The following LINC00305 variants were observed in gnomAD, a reference collection of about 807,000 sequenced individuals.
LINC00305 encodes long independently transcribed non-coding RNA 305.
At chr18:64,144,993 G>A (rs545020059) in intron 1 of LINC00305, among the ~76,000 whole-genome samples, 11 of 152,148 alleles carry the variant, frequency 7.2e-5, no homozygotes, top group Non-Finnish European at 7.4e-5. Context: ...GGCTATAAAC[G>A]CCCTCATCTT....
At chr18:64,124,792 G>T (rs1183434401) in intron 1 of LINC00305, among the ~76,000 whole-genome samples, 1 of 152,062 alleles carries the variant, frequency 6.6e-6, no homozygotes, top group African/African-American at 2.4e-5. Context: ...TGAGGTGGTT[G>T]TCTTATTTTT....
chr18:64,131,004 A>T (rs2051407403), intron 1 of LINC00305, among the ~76,000 whole-genome samples: 1 of 152,086 alleles, frequency 6.6e-6, no homozygotes, highest in Non-Finnish European at 1.5e-5. Flanking sequence ...TTCAACTGTC[A>T]ACTTGTGTTG....
chr18:64,109,599 C>CT (rs1226296076), intron 1 of LINC00305, among the ~76,000 whole-genome samples: 1 of 151,556 alleles, frequency 6.6e-6, no homozygotes, highest in Non-Finnish European at 1.5e-5. Context: ...TATTCAGCGT[C>CT]TACCAGTTTT....
chr18:64,143,391 T>C (rs1283008240), intron 1 of LINC00305, among the ~76,000 whole-genome samples: 1 of 151,398 alleles, frequency 6.6e-6, no homozygotes, highest in Non-Finnish European at 1.5e-5. Context: ...AAAGCATTGA[T>C]GGTGTGTGTG....
intron 1 of LINC00305, among the ~76,000 whole-genome samples, chr18:64,105,317 C>T (rs796978769): frequency 2.6e-5 from 4 of 152,034 alleles, no homozygotes; most frequent in Admixed American, 6.6e-5. Context: ...AAAAATTAGC[C>T]GGACTTGGTG....
At chr18:64,138,978 T>C (rs2051448325) in intron 1 of LINC00305, among the ~76,000 whole-genome samples, 2 of 152,150 alleles carry the variant, frequency 1.3e-5, no homozygotes, top group Non-Finnish European at 2.9e-5. Flanking sequence ...CAGTAAAAAC[T>C]GTCAGCTCCC....
intron 1 of LINC00305, among the ~76,000 whole-genome samples, chr18:64,111,193 T>G (rs566977956): frequency 6.6e-6 from 1 of 152,356 alleles, no homozygotes; most frequent in Non-Finnish European, 1.5e-5. Flanking sequence ...GTTGCCTTAT[T>G]GTGACATACC....
At chr18:64,097,102 T>C (rs2051247923) in intron 3 of LINC00305, among the ~76,000 whole-genome samples, 1 of 152,056 alleles carries the variant, frequency 6.6e-6, no homozygotes, top group African/African-American at 2.4e-5. Flanking sequence ...AGGGACTTTA[T>C]AAAGTTATGT....
chr18:64,144,722 C>T (rs1290260196), intron 1 of LINC00305, among the ~76,000 whole-genome samples: 1 of 151,958 alleles, frequency 6.6e-6, no homozygotes, highest in Non-Finnish European at 1.5e-5. Flanking sequence ...ATGAAATGCT[C>T]CTGATTATTG....
chr18:64,145,719 A>T (rs2051494453), intron 1 of LINC00305, among the ~76,000 whole-genome samples: 1 of 152,146 alleles, frequency 6.6e-6, no homozygotes, highest in Non-Finnish European at 1.5e-5. Flanking sequence ...TCTGGCCAGA[A>T]CTGTACATTA....
At chr18:64,120,569 G>A (rs149312213) in intron 1 of LINC00305, among the ~76,000 whole-genome samples, 63 of 152,134 alleles carry the variant, frequency 4.1e-4, no homozygotes, top group Non-Finnish European at 6.8e-4. Flanking sequence ...TTGCATTTGT[G>A]AGATGTCTGG....
chr18:64,125,489 A>T (rs981918231), intron 1 of LINC00305, among the ~76,000 whole-genome samples: 1 of 152,154 alleles, frequency 6.6e-6, no homozygotes, highest in African/African-American at 2.4e-5. Context: ...TACCAGTAGC[A>T]TTACATGGTT....
intron 3 of LINC00305, among the ~76,000 whole-genome samples, chr18:64,086,325 T>C (rs1051287286): frequency 1.3e-5 from 2 of 152,238 alleles, no homozygotes; most frequent in African/African-American, 2.4e-5. Flanking sequence ...GATAAATGGA[T>C]ATTCTAGATC....
At chr18:64,101,407 GAA>G (rs563164432) in intron 1 of LINC00305, among the ~76,000 whole-genome samples, 243 of 152,212 alleles carry the variant, frequency 1.6e-3, no homozygotes, top group African/African-American at 5.6e-3. Context: ...GGGCTTTTGG[GAA>G]AAAATGTTGC....
chr18:64,110,275 CCT>C (rs1407134857), intron 1 of LINC00305, among the ~76,000 whole-genome samples: 2 of 152,154 alleles, frequency 1.3e-5, no homozygotes, highest in African/African-American at 4.8e-5. Context: ...CATAACCTTA[CCT>C]CTCCTCACTC....
intron 3 of LINC00305, among the ~76,000 whole-genome samples, chr18:64,095,100 A>G (rs1297871632): frequency 8.5e-5 from 13 of 152,126 alleles, no homozygotes; most frequent in Non-Finnish European, 1.9e-4. Context: ...CTAAAAGGGC[A>G]AAGCAATTTT....
At chr18:64,128,942 T>G (rs56129457) in intron 1 of LINC00305, among the ~76,000 whole-genome samples, 1 of 152,218 alleles carries the variant, frequency 6.6e-6, no homozygotes, top group East Asian at 1.9e-4. Context: ...GTGGAGAACC[T>G]GAGTGGGCTG....
chr18:64,142,171 C>T (rs9948594), intron 1 of LINC00305, among the ~76,000 whole-genome samples: 21,065 of 152,174 alleles, frequency 0.14, 1,612 homozygotes, highest in African/African-American at 0.19. Flanking sequence ...GTGTTTTAAT[C>T]AGCATGGGGC....
chr18:64,140,889 G>A (rs1401577623), intron 1 of LINC00305, among the ~76,000 whole-genome samples: 3 of 151,958 alleles, frequency 2.0e-5, no homozygotes, highest in Admixed American at 1.3e-4. Flanking sequence ...GAAAGACACG[G>A]AGAGATGCAG....
Sources: allele counts gnomAD v4.1 joint callset (sites outside exome capture counted in the v4.1 genomes callset), GRCh38; gene constraint gnomAD v4.1.1; transcripts MANE v1.5; gene names NCBI Gene and HGNC (gene_info 2026-07-23, HGNC 2026-07-21).